Variants in PKM observed in about 807,000 individuals in gnomAD.
PKM encodes pyruvate kinase PKM.
In PKM, 18 loss-of-function variants were observed where a neutral mutation model predicts 49.8. The observed-to-expected ratio is 0.36, with a 90% CI of 0.25 to 0.54. The LOEUF (loss-of-function observed/expected upper bound fraction) is 0.54. Among genes scored for constraint, PKM ranks in the 20% least tolerant of loss-of-function variants. The pLI is 0.89. For missense variants in PKM, 508 were observed against 713.8 expected (o/e 0.71, Z 3.28); for synonymous variants, 239 against 261.8 (o/e 0.91, Z 0.84).
At chr15:72,220,909 G>C (rs1216694259) in intron 1 of PKM, among the ~76,000 whole-genome samples, 1 of 152,204 alleles carries the variant, frequency 6.6e-6, no homozygotes, top group Non-Finnish European at 1.5e-5. Context: ...CTCCCAGCTG[G>C]GCTTAGGGAA....
chr15:72,210,120 G>A (rs1001930693), intron 4 of PKM: 1 of 640,254 alleles, frequency 1.6e-6, no homozygotes, highest in Non-Finnish European at 2.7e-6. Flanking sequence ...CTAAAGTTTA[G>A]GTTTTTAGGG....
chr15:72,229,512 A>T, intron 1 of PKM: 1 of 1,237,602 alleles, frequency 8.1e-7, no homozygotes. Context: ...CTGGGTCTGG[A>T]GTACGTAGAT....
Position 72,202,924 on chromosome 15 carries a change from G to T in PKM, c.1141-304C>A. 1 of 1,250,976 alleles carries T rather than the reference G, an allele frequency of 8.0e-7. No homozygotes were observed. The highest frequency in any genetic ancestry group is 1.2e-6 in the Non-Finnish European group (1 of 859,988). 77.5% of individuals were successfully genotyped at this position (1,250,976 alleles called of 1,614,324 possible). A position where few individuals can be genotyped will look rare whatever the true frequency, so the allele number is the denominator to read the frequency against. On this transcript the variant is annotated intron_variant, in intron 8 of 10. Coordinates refer to ENST00000335181, the MANE Select transcript of PKM (RefSeq NM_002654.6). The surrounding 1 kb of genome is among the most constrained non-coding windows in gnomAD (Gnocchi z 4.5). The stretch of plus-strand genomic sequence containing the variant: ...GTTCCTACAGACGAGAAGAGGCTCT[G>T]TGCCCAGATGCCAGGTTGGGCCTGG...
Position 72,202,913 on chromosome 15 carries a change from G to A in PKM, c.1141-293C>T. 1 of 1,169,888 alleles carries A rather than the reference G, an allele frequency of 8.5e-7. No homozygotes were observed. The highest frequency in any genetic ancestry group is 1.3e-6 in the Non-Finnish European group (1 of 787,864). The allele number at this position is 1,169,888 out of a possible 1,614,324, so 72.5% of individuals were successfully genotyped here. On this transcript the variant is annotated intron_variant, in intron 8 of 10. Coordinates refer to ENST00000335181, the MANE Select transcript of PKM (RefSeq NM_002654.6). This position sits in a 1 kb window ranked among gnomAD's most constrained non-coding sequence, Gnocchi z 4.5. ...TCCCTGGCGGTGTTCCTACAGACGA[G>A]AAGAGGCTCTGTGCCCAGATGCCAG... is the stretch of plus-strand genomic sequence containing the variant.
chr15:72,220,007 GA>G (rs2082480279), intron 1 of PKM, among the ~76,000 whole-genome samples: 1 of 152,148 alleles, frequency 6.6e-6, no homozygotes, highest in Admixed American at 6.5e-5. Flanking sequence ...CTTCATTAAT[GA>G]CTTACAACTA....
At chr15:72,229,820 C>G in intron 1 of PKM, 1 of 480,314 alleles carries the variant, frequency 2.1e-6, no homozygotes, top group Non-Finnish European at 2.9e-6. Context: ...CGACAGATTT[C>G]CTGCCCCCTC....
At chr15:72,226,088 A>G (rs768472629) in intron 1 of PKM, among the ~76,000 whole-genome samples, 8 of 152,208 alleles carry the variant, frequency 5.3e-5, no homozygotes, top group African/African-American at 7.2e-5. Context: ...TTCAACGTTT[A>G]CAACATCTCT....
chr15:72,229,774 C>A, intron 1 of PKM: 4 of 1,002,570 alleles, frequency 4.0e-6, no homozygotes, highest in African/African-American at 1.7e-5. Flanking sequence ...GACCCCCAAA[C>A]AGCCCTTGAC....
intron 3 of PKM, among the ~76,000 whole-genome samples, chr15:72,213,750 A>G (rs548953305): frequency 1.3e-5 from 2 of 152,230 alleles, no homozygotes. Context: ...TCAACTTCTT[A>G]TGGCCACTGG....
chr15:72,226,391 G>T (rs546755304), intron 1 of PKM, among the ~76,000 whole-genome samples: 1 of 152,148 alleles, frequency 6.6e-6, no homozygotes, highest in African/African-American at 2.4e-5. Context: ...TCAGCCAGGC[G>T]TGGTTGCGGT....
chr15:72,210,131 T>A (rs2082212179), intron 4 of PKM: 1 of 556,162 alleles, frequency 1.8e-6, no homozygotes, highest in Non-Finnish European at 3.1e-6. Flanking sequence ...GTTTTTAGGG[T>A]AAAAAAAAAA....
intron 1 of PKM, among the ~76,000 whole-genome samples, chr15:72,222,982 T>C (rs1004472311): frequency 8.6e-5 from 13 of 151,316 alleles, no homozygotes; most frequent in Non-Finnish European, 1.9e-4. Context: ...ACAAAAATCA[T>C]AAAAAATACC....
At chr15:72,214,856 A>G (rs1191994407) in intron 3 of PKM, among the ~76,000 whole-genome samples, 1 of 152,162 alleles carries the variant, frequency 6.6e-6, no homozygotes, top group Admixed American at 6.5e-5. Flanking sequence ...CCACATGTTC[A>G]GCAAGAATGC....
At chr15:72,208,487 G>A in intron 6 of PKM, 134 bp downstream of exon 6, 2 of 906,300 alleles carry the variant, frequency 2.2e-6, no homozygotes, top group Non-Finnish European at 3.6e-6. Flanking sequence ...AAGATATTCT[G>A]ATTCAGCAGG....
At chr15:72,206,395 CT>C in intron 8 of PKM, 1 of 346,650 alleles carries the variant, frequency 2.9e-6, no homozygotes, top group Non-Finnish European at 5.5e-6. Flanking sequence ...ACAAGACCTC[CT>C]TTCACTGCAG....
At chr15:72,221,332 G>T in intron 1 of PKM, 1 of 1,179,554 alleles carries the variant, frequency 8.5e-7, no homozygotes, top group South Asian at 1.4e-5. Flanking sequence ...AGCTCTTTGG[G>T]GTAATGGAAA....
chr15:72,208,425 TA>T (rs199654633), intron 6 of PKM, among the ~76,000 whole-genome samples, 195 bp downstream of exon 6: 1 of 150,682 alleles, frequency 6.6e-6, no homozygotes, highest in Non-Finnish European at 1.5e-5. Flanking sequence ...AGCTTTTTTT[TA>T]AAAAAAACAA....
At chr15:72,219,745 T>C (rs1327971605) in intron 1 of PKM, among the ~76,000 whole-genome samples, 2 of 152,232 alleles carry the variant, frequency 1.3e-5, no homozygotes, top group African/African-American at 4.8e-5. Flanking sequence ...CAATTTGCAA[T>C]TTGCAAAGCA....
Position 72,213,746 on chromosome 15 carries a change from T to A in PKM, c.247-3268A>T, listed in dbSNP as rs116479417. On this transcript the variant is annotated intron_variant, in intron 3 of 10. Coordinates refer to ENST00000335181, the MANE Select transcript of PKM (RefSeq NM_002654.6). ...GCACGCCCAGCCCACTTTTTCAACTTCTTATGGCCACTGGTCTATTCATAT... is the reference window on the plus strand; with the variant it reads ...GCACGCCCAGCCCACTTTTTCAACTACTTATGGCCACTGGTCTATTCATAT... 9.9e-3 allele frequency among the ~76,000 whole-genome samples: 1,505 copies of A among 152,326 alleles called. 24 individuals are homozygous for A. The highest frequency in any genetic ancestry group is 0.034 in the African/African-American group (1,419 of 41,568).
Sources: allele counts gnomAD v4.1 joint callset (sites outside exome capture counted in the v4.1 genomes callset), GRCh38; gene constraint gnomAD v4.1.1; non-coding constraint Gnocchi (gnomAD v3.1); transcripts MANE v1.5; gene names NCBI Gene and HGNC (gene_info 2026-07-23, HGNC 2026-07-21).